The following NXPE4 variants were observed in gnomAD, a reference collection of about 807,000 sequenced individuals.
The protein encoded by NXPE4 is neurexophilin and PC-esterase domain family member 4, also known as NXPE family member 4.
Under a neutral mutation model 33.3 loss-of-function variants are expected in NXPE4, and 42 were observed. The observed-to-expected ratio is 1.26, with a 90% confidence interval of 0.98 to 1.63. The LOEUF (loss-of-function observed/expected upper bound fraction) is 1.63. Among genes scored for constraint, NXPE4 ranks in the 40% most tolerant of loss-of-function variants. NXPE4 has a pLI of 0.00. For missense variants in NXPE4, 709 were observed against 647.6 expected (o/e 1.09, Z -1.03); for synonymous variants, 253 against 234.9 (o/e 1.08, Z -0.71).
intron 2 of NXPE4, among the ~76,000 whole-genome samples, chr11:114,592,629 C>A (rs1949483177): frequency 6.6e-6 from 1 of 151,988 alleles, no homozygotes. Context: ...AGATTCAAGG[C>A]AAACCCTATC....
At chr11:114,583,874 G>C (rs778183355) in intron 2 of NXPE4, 3 of 394,794 alleles carry the variant, frequency 7.6e-6, no homozygotes, top group Non-Finnish European at 1.5e-5. Flanking sequence ...CTTCCCAGGA[G>C]ATGGGGACTT....
chr11:114,617,235 C>T, the NXPE4 span, among the ~76,000 whole-genome samples: 2 of 152,056 alleles, frequency 1.3e-5, no homozygotes, highest in Non-Finnish European at 2.9e-5. Context: ...AATATTTCCT[C>T]GTGGGTAACC....
chr11:114,635,171 T>A, the NXPE4 span, among the ~76,000 whole-genome samples: 1 of 150,292 alleles, frequency 6.7e-6, no homozygotes, highest in East Asian at 1.9e-4. Context: ...CCTTGAAGAG[T>A]TCCTTCACGT....
the NXPE4 span, among the ~76,000 whole-genome samples, chr11:114,645,225 C>T: frequency 3.3e-5 from 5 of 152,038 alleles, no homozygotes; most frequent in African/African-American, 9.7e-5. Context: ...CACTTGAACC[C>T]GAGAGGCAGA....
intron 2 of NXPE4, among the ~76,000 whole-genome samples, chr11:114,589,484 T>C (rs1949390749): frequency 6.6e-6 from 1 of 152,092 alleles, no homozygotes; most frequent in South Asian, 2.1e-4. Flanking sequence ...TTAGGTGCAG[T>C]TGGGGGGACA....
the NXPE4 span, among the ~76,000 whole-genome samples, chr11:114,632,567 A>G: frequency 8.7e-6 from 1 of 115,072 alleles, no homozygotes; most frequent in Non-Finnish European, 1.6e-5. Flanking sequence ...TTATATATTT[A>G]CATATATCAT....
At chr11:114,622,723 C>G in the NXPE4 span, among the ~76,000 whole-genome samples, 1 of 147,686 alleles carries the variant, frequency 6.8e-6, no homozygotes, top group Non-Finnish European at 1.5e-5. Context: ...AATACGTGTT[C>G]CCTCGTGTGT....
At chr11:114,631,033 G>A in the NXPE4 span, among the ~76,000 whole-genome samples, 16 of 151,620 alleles carry the variant, frequency 1.1e-4, no homozygotes, top group African/African-American at 3.9e-4. Flanking sequence ...AACAGGTGCT[G>A]GAGAGGATGT....
chr11:114,600,566 A>G (rs562486152), upstream of NXPE4, among the ~76,000 whole-genome samples: 27 of 152,204 alleles, frequency 1.8e-4, no homozygotes, highest in Non-Finnish European at 3.4e-4. Context: ...ACAAAATAAT[A>G]TTTTTCTAAA....
chr11:114,613,363 C>T, the NXPE4 span, among the ~76,000 whole-genome samples: 28 of 151,692 alleles, frequency 1.8e-4, no homozygotes, highest in Non-Finnish European at 1.6e-4. Context: ...TGGATAACCA[C>T]GGTTACCCTG....
chr11:114,674,623 G>A, the NXPE4 span, among the ~76,000 whole-genome samples: 2 of 151,134 alleles, frequency 1.3e-5, no homozygotes, highest in East Asian at 1.9e-4. Flanking sequence ...GAGAAAGAAC[G>A]ACACAAAGTA....
At chr11:114,667,223 T>C in the NXPE4 span, among the ~76,000 whole-genome samples, 1 of 152,160 alleles carries the variant, frequency 6.6e-6, no homozygotes, top group African/African-American at 2.4e-5. Flanking sequence ...GGTATCTTTC[T>C]GAACTTTTTA....
At chr11:114,621,116 C>A in the NXPE4 span, among the ~76,000 whole-genome samples, 2 of 152,254 alleles carry the variant, frequency 1.3e-5, no homozygotes, top group Middle Eastern at 3.4e-3. Flanking sequence ...CACTGTTACC[C>A]TGTGGATAAT....
the NXPE4 span, among the ~76,000 whole-genome samples, chr11:114,655,328 A>G: frequency 1.3e-5 from 2 of 152,162 alleles, no homozygotes; most frequent in African/African-American, 4.8e-5. Context: ...CTTTAGTTTA[A>G]TTAGATCCCA....
At chr11:114,660,072 A>G in the NXPE4 span, among the ~76,000 whole-genome samples, 1 of 152,130 alleles carries the variant, frequency 6.6e-6, no homozygotes, top group Admixed American at 6.5e-5. Flanking sequence ...TGAAAGACAC[A>G]AACTACCAAC....
At chr11:114,637,860 A>T in the NXPE4 span, among the ~76,000 whole-genome samples, 6 of 151,862 alleles carry the variant, frequency 4.0e-5, no homozygotes, top group African/African-American at 1.2e-4. Context: ...CTTCCCTTTG[A>T]GGGTAACCCG....
chr11:114,594,706 T>A lies in NXPE4; in HGVS notation c.54A>T (p.Leu18Phe), dbSNP rs1221032315. 4 of 1,604,966 alleles carry A rather than the reference T, an allele frequency of 2.5e-6. No homozygotes were observed. The highest frequency in any genetic ancestry group is 3.4e-6 in the Non-Finnish European group (4 of 1,173,206). The change falls in exon 2 of 6, where the codon TTA becomes TTT. Residue 18 changes from leucine to phenylalanine, a missense_variant. By Grantham distance (22) the Leu-to-Phe change is conservative. Coordinates refer to ENST00000375478, the MANE Select transcript of NXPE4 (RefSeq NM_001077639.2). ...AAACTGTAAAAATGATCCAGGAGGC[T>A]AATATAAACAACAGTGCCAATAGTG... The part of the protein sequence containing the change: ...YKSLLALLFI[L>F]ASWIIFTVFQ...
chr11:114,669,662 G>A, the NXPE4 span, among the ~76,000 whole-genome samples: 1 of 152,090 alleles, frequency 6.6e-6, no homozygotes, highest in Non-Finnish European at 1.5e-5. Flanking sequence ...ACTGACTTCA[G>A]TTCTGGAGCA....
the NXPE4 span, among the ~76,000 whole-genome samples, chr11:114,608,201 C>T: frequency 8.6e-5 from 13 of 151,126 alleles, no homozygotes; most frequent in Non-Finnish European, 1.2e-4. Flanking sequence ...CATGGTTACC[C>T]GGTGGATAAT....
Sources: allele counts gnomAD v4.1 joint callset (sites outside exome capture counted in the v4.1 genomes callset), GRCh38; gene constraint gnomAD v4.1.1; transcripts MANE v1.5; gene names NCBI Gene and HGNC (gene_info 2026-07-23, HGNC 2026-07-21).